EVC: variants seen among roughly 807,000 people sequenced by gnomAD.
EVC encodes EvC ciliary complex subunit 1.
In EVC, 116 loss-of-function variants were observed where a neutral mutation model predicts 118.9. That is an observed-to-expected ratio of 0.98 (90% CI 0.84 to 1.14). EVC has a LOEUF of 1.14. EVC is among the 50% of genes most tolerant of loss of function. The pLI, the probability that EVC is intolerant of heterozygous loss-of-function variation, is 0.00. For missense variants in EVC, 1,401 were observed against 1,246.4 expected (o/e 1.12, Z -1.87); for synonymous variants, 619 against 534.7 (o/e 1.16, Z -2.18).
chr4:5,718,726 A>G (rs980900580), intron 1 of EVC, among the ~76,000 whole-genome samples: 2 of 152,212 alleles, frequency 1.3e-5, no homozygotes, highest in African/African-American at 4.8e-5. Context: ...TAGCAAGTAC[A>G]GGAATTGGCA....
chr4:5,797,261 T>G, intron 14 of EVC, 29 bp downstream of exon 14: 1 of 1,558,652 alleles, frequency 6.4e-7, no homozygotes. Context: ...CCCCACCCAT[T>G]CCAGACAGGC....
At chr4:5,802,931 T>C (rs934958508) in intron 16 of EVC, among the ~76,000 whole-genome samples, 1 of 152,154 alleles carries the variant, frequency 6.6e-6, no homozygotes, top group Non-Finnish European at 1.5e-5. Flanking sequence ...AAATCCTAAT[T>C]AGACGTTCAA....
Position 5,811,256 on chromosome 4 carries a change from G to C in EVC, c.*219G>C. On this transcript the variant is annotated 3_prime_UTR_variant, in exon 21 of 21. Transcript: ENST00000264956. ...TCCCGTCTTGGAAACACGTCTCTGT[G>C]AGTTTGCATTTCATTTGGCTTGGAG... is the stretch of plus-strand genomic sequence containing the variant. 1.9e-6 allele frequency: 1 copy of C among 532,770 alleles called. No individual in the cohort carries two copies. Among genetic ancestry groups the C allele is most frequent in the Non-Finnish European group, 3.4e-6 (1 of 294,958 alleles). 33.0% of individuals were successfully genotyped at this position (532,770 alleles called of 1,614,324 possible). A position where few individuals can be genotyped will look rare whatever the true frequency, so the allele number is the denominator to read the frequency against.
the EVC span, among the ~76,000 whole-genome samples, chr4:5,827,254 G>C: frequency 6.6e-6 from 1 of 152,220 alleles, no homozygotes; most frequent in Admixed American, 6.5e-5. Flanking sequence ...GGGTGTGTCT[G>C]CCTCTTCAGT....
intron 11 of EVC, among the ~76,000 whole-genome samples, chr4:5,778,927 C>T (rs1290980665): frequency 2.0e-5 from 3 of 152,014 alleles, no homozygotes; most frequent in Non-Finnish European, 4.4e-5. Context: ...TGCCTATGTC[C>T]TGAATGGTAA....
intron 11 of EVC, among the ~76,000 whole-genome samples, chr4:5,764,297 G>A (rs201393111): frequency 0.36 from 42,685 of 118,940 alleles, 7,427 homozygotes; most frequent in East Asian, 0.42. Context: ...TGCTGGATTC[G>A]GTTTGCCAGT....
At chr4:5,821,006 G>A in the EVC span, 1 of 152,292 alleles carries the variant, frequency 6.6e-6, no homozygotes, top group South Asian at 2.1e-4. This position sits in a 1 kb window ranked among gnomAD's most constrained non-coding sequence, Gnocchi z 4.4. Context: ...TGGGGATGGG[G>A]AGACCTCTTT....
At chr4:5,796,598 C>A (rs923386313) in intron 13 of EVC, among the ~76,000 whole-genome samples, 1 of 152,020 alleles carries the variant, frequency 6.6e-6, no homozygotes, top group Non-Finnish European at 1.5e-5. Context: ...GACCTCTGTT[C>A]ACCTCTCAGC....
At chr4:5,774,138 G>A (rs1354673193) in intron 11 of EVC, among the ~76,000 whole-genome samples, 1 of 151,744 alleles carries the variant, frequency 6.6e-6, no homozygotes, top group South Asian at 2.1e-4. Context: ...CTGTGCCTCT[G>A]CAACACTCTA....
intron 12 of EVC, among the ~76,000 whole-genome samples, chr4:5,786,046 T>C (rs1173485047): frequency 2.0e-5 from 3 of 152,152 alleles, no homozygotes; most frequent in Non-Finnish European, 2.9e-5. Context: ...GCCTAAGATA[T>C]GGGTTTGAGC....
intron 18 of EVC, 21 bp downstream of exon 18, chr4:5,808,348 C>A: frequency 6.2e-7 from 1 of 1,614,156 alleles, no homozygotes. Context: ...CAGAACTGGA[C>A]CTTCCAAAAG....
chr4:5,816,870 C>G (rs1440040130), downstream of EVC, among the ~76,000 whole-genome samples: 2 of 152,104 alleles, frequency 1.3e-5, no homozygotes, highest in Non-Finnish European at 2.9e-5. Context: ...AGGACGTGGA[C>G]CAAGGCACTT....
At chr4:5,739,987 C>G (rs757836996) in intron 5 of EVC, among the ~76,000 whole-genome samples, 1 of 151,540 alleles carries the variant, frequency 6.6e-6, no homozygotes, top group South Asian at 2.1e-4. Flanking sequence ...TCTAAATGAC[C>G]TTTGACAAAG....
rs757444170 is a variant in EVC, at chr4:5,733,443, G to A, written c.702+8G>A. 4.3e-6 allele frequency: 7 copies of A among 1,612,748 alleles called. No individual in the cohort carries two copies. The South Asian group carries it at 6.6e-5, about 15-fold the overall frequency. On this transcript the variant is annotated splice_region_variant and intron_variant, in intron 5 of 20. Transcript: ENST00000264956. ...AGGCAGGAAAAGCATATGGTAGGTG[G>A]AGATGTTCGCATTCCCTCCTTTTCA...
the EVC span, among the ~76,000 whole-genome samples, chr4:5,823,411 G>A: frequency 6.6e-6 from 1 of 152,190 alleles, no homozygotes; most frequent in Non-Finnish European, 1.5e-5. Flanking sequence ...TACCTTGCTG[G>A]TTGCATGTCT....
At chr4:5,802,280 A>G (rs1338235384) in intron 16 of EVC, among the ~76,000 whole-genome samples, 186 bp downstream of exon 16, 3 of 152,246 alleles carry the variant, frequency 2.0e-5, no homozygotes, top group African/African-American at 7.2e-5. Flanking sequence ...AAAGAAACAT[A>G]TGCATAAGCA....
At chr4:5,734,326 C>T (rs1387932701) in intron 5 of EVC, among the ~76,000 whole-genome samples, 1 of 152,112 alleles carries the variant, frequency 6.6e-6, no homozygotes, top group Non-Finnish European at 1.5e-5. Flanking sequence ...GGCACTCTTA[C>T]AAACTGGAGA....
downstream of EVC, among the ~76,000 whole-genome samples, chr4:5,814,803 C>A (rs571483335): frequency 3.9e-5 from 6 of 152,156 alleles, no homozygotes; most frequent in South Asian, 1.2e-3. Flanking sequence ...CCTAGCCACT[C>A]CTCACATGGA....
chr4:5,794,307 T>TTATATATTTATATATATTTA (rs925502507), intron 13 of EVC, among the ~76,000 whole-genome samples: 5 of 119,248 alleles, frequency 4.2e-5, no homozygotes, highest in Admixed American at 1.9e-4. Flanking sequence ...ATTTATATTT[T>TTATATATTTATATATATTTA]TATATATTTA....
Sources: allele counts gnomAD v4.1 joint callset (sites outside exome capture counted in the v4.1 genomes callset), GRCh38; gene constraint gnomAD v4.1.1; non-coding constraint Gnocchi (gnomAD v3.1); transcripts MANE v1.5; gene names NCBI Gene and HGNC (gene_info 2026-07-23, HGNC 2026-07-21).